The following COP1 variants were observed in gnomAD, a reference collection of about 807,000 sequenced individuals.
COP1 encodes E3 ubiquitin-protein ligase COP1.
COP1 carries 24 observed loss-of-function variants against 101.3 expected under a neutral mutation model. That is an observed-to-expected ratio of 0.24 (90% CI 0.17 to 0.33). The LOEUF is 0.33. Ranked by LOEUF, COP1 falls within the 10% of genes least tolerant of loss-of-function variation. COP1 has a pLI of 1.00. For missense variants in COP1, 663 were observed against 906.2 expected, an observed-to-expected ratio of 0.73 and a Z score of 3.45; for synonymous variants, 347 against 341.9, an observed-to-expected ratio of 1.01 and a Z score of -0.17.
chr1:176,058,695 A>T (rs1412574991), intron 11 of COP1, among the ~76,000 whole-genome samples: 3 of 149,838 alleles, frequency 2.0e-5, no homozygotes, highest in Non-Finnish European at 4.4e-5. Context: ...CCTTCCCTCC[A>T]CTATTGTCCT....
At chr1:176,030,396 C>A (rs1668463226) in intron 14 of COP1, among the ~76,000 whole-genome samples, 1 of 152,108 alleles carries the variant, frequency 6.6e-6, no homozygotes, top group Non-Finnish European at 1.5e-5. Flanking sequence ...GTATGGAGCA[C>A]TTACTGTGCC....
chr1:176,073,862 A>T (rs1677461748), intron 11 of COP1, among the ~76,000 whole-genome samples: 1 of 152,250 alleles, frequency 6.6e-6, no homozygotes, highest in South Asian at 2.1e-4. Context: ...GCAATTTTAC[A>T]GTAAGAATAA....
chr1:176,089,119 G>A (rs1407931033), intron 9 of COP1, among the ~76,000 whole-genome samples: 1 of 151,970 alleles, frequency 6.6e-6, no homozygotes, highest in Non-Finnish European at 1.5e-5. Flanking sequence ...TGGCCAAGAT[G>A]GTGAAACCCC....
intron 5 of COP1, among the ~76,000 whole-genome samples, chr1:176,149,383 A>T (rs1169812636): frequency 1.3e-5 from 2 of 152,094 alleles, no homozygotes; most frequent in Non-Finnish European, 2.9e-5. Context: ...TCCCCAACTC[A>T]ACTAAGAAAA....
At chr1:176,044,331 A>C (rs1400262359) in intron 12 of COP1, among the ~76,000 whole-genome samples, 6 of 152,260 alleles carry the variant, frequency 3.9e-5, no homozygotes, top group Non-Finnish European at 8.8e-5. Context: ...TAAAAGTTAG[A>C]ATCAAACTTT....
In COP1 at chr1:176,151,103, GA is replaced by G. The variant is rs559302218; in HGVS notation, c.763-2030del. Among the ~76,000 whole-genome samples, 8 of 152,020 alleles carry G rather than the reference GA, an allele frequency of 5.3e-5. No individual in the cohort carries two copies. In the East Asian group the frequency reaches 1.4e-3, roughly 26 times the overall value. ...TGAAAGTAATCCCACCACTAAAAAT[GA>G]AAGTCCAAGAAGTCAATTCTCTAAA... is the stretch of plus-strand genomic sequence containing the variant. On this transcript the variant is annotated intron_variant, in intron 5 of 19. Coordinates refer to ENST00000367669, the MANE Select transcript of COP1 (RefSeq NM_022457.7).
intron 15 of COP1, among the ~76,000 whole-genome samples, chr1:176,006,653 C>G (rs1346885534): frequency 1.3e-5 from 2 of 152,196 alleles, no homozygotes; most frequent in Admixed American, 6.5e-5. Flanking sequence ...AAATTCTTTT[C>G]TTTAAGAATG....
chr1:176,059,690 T>C (rs756150727), intron 11 of COP1, among the ~76,000 whole-genome samples: 2 of 151,962 alleles, frequency 1.3e-5, no homozygotes, highest in African/African-American at 4.8e-5. Context: ...ACCATGTTAG[T>C]CAGGCCGGTC....
chr1:176,102,659 G>A (rs1159525513), intron 9 of COP1, among the ~76,000 whole-genome samples: 2 of 152,202 alleles, frequency 1.3e-5, no homozygotes. Context: ...GGACTAGACT[G>A]TCTTTGTAAG....
chr1:176,142,416 G>A (rs959473655), intron 6 of COP1, among the ~76,000 whole-genome samples: 1 of 152,012 alleles, frequency 6.6e-6, no homozygotes, highest in Non-Finnish European at 1.5e-5. Flanking sequence ...AAAAAACTGA[G>A]TCTGGCAGAG....
intron 18 of COP1, among the ~76,000 whole-genome samples, chr1:175,970,436 A>C (rs992275470): frequency 1.3e-5 from 2 of 152,196 alleles, no homozygotes; most frequent in Non-Finnish European, 2.9e-5. Flanking sequence ...GAAAACAGAA[A>C]TAAAGTTAGA....
chr1:176,060,428 C>T (rs2149292729), intron 11 of COP1, among the ~76,000 whole-genome samples: 1 of 152,138 alleles, frequency 6.6e-6, no homozygotes, highest in South Asian at 2.1e-4. Flanking sequence ...ATTTTTGTCC[C>T]CAAAGTTACT....
At chr1:176,043,148 G>A in intron 14 of COP1, 38 bp downstream of exon 14, 1 of 1,252,826 alleles carries the variant, frequency 8.0e-7, no homozygotes, top group Non-Finnish European at 1.2e-6. Flanking sequence ...AAGAGGGCCA[G>A]GGAGAAGGAG....
At chr1:176,174,879 C>G (rs1184001213) in intron 3 of COP1, among the ~76,000 whole-genome samples, 2 of 152,114 alleles carry the variant, frequency 1.3e-5, no homozygotes, top group Non-Finnish European at 2.9e-5. Flanking sequence ...TATTCATTCC[C>G]AAAACATTCA....
intron 11 of COP1, among the ~76,000 whole-genome samples, chr1:176,049,368 AT>A (rs758707984): frequency 6.6e-6 from 1 of 151,722 alleles, no homozygotes; most frequent in Non-Finnish European, 1.5e-5. Flanking sequence ...CATTGCTATT[AT>A]TTTCTTACAT....
intron 19 of COP1, 73 bp from the exon 20 acceptor site, chr1:175,945,243 T>C (rs1649015925): frequency 9.2e-7 from 1 of 1,089,700 alleles, no homozygotes; most frequent in Admixed American, 2.5e-5. Flanking sequence ...GACTCTTTAC[T>C]ATATTTACCA....
At chr1:176,043,122 G>T in intron 14 of COP1, 64 bp downstream of exon 14, 1 of 925,962 alleles carries the variant, frequency 1.1e-6, no homozygotes, top group Non-Finnish European at 1.8e-6. Flanking sequence ...TTCTGCCGAT[G>T]AAAGGAATTA....
At chr1:176,125,995 T>C (rs1440430546) in intron 8 of COP1, among the ~76,000 whole-genome samples, 2 of 152,192 alleles carry the variant, frequency 1.3e-5, no homozygotes, top group Admixed American at 6.5e-5. Context: ...AATAAGAATA[T>C]ATTTTTATTC....
At chr1:176,206,486 A>T in intron 1 of COP1, 86 bp downstream of exon 1, 1 of 1,113,860 alleles carries the variant, frequency 9.0e-7, no homozygotes, top group Non-Finnish European at 1.3e-6. Context: ...CCAACAAGCC[A>T]CCCCCACACC....
Sources: allele counts gnomAD v4.1 joint callset (sites outside exome capture counted in the v4.1 genomes callset), GRCh38; gene constraint gnomAD v4.1.1; transcripts MANE v1.5; gene names NCBI Gene and HGNC (gene_info 2026-07-23, HGNC 2026-07-21).